DHRS9: variants seen among roughly 807,000 people sequenced by gnomAD.
The protein encoded by DHRS9 is dehydrogenase/reductase SDR family member 9.
DHRS9 carries 18 observed loss-of-function variants against 26.6 expected under a neutral mutation model. The ratio of observed to expected loss-of-function variants is 0.68; its 90% CI spans 0.47 to 1.00. The LOEUF is 1.00. Among genes scored for constraint, DHRS9 ranks in the 50% least tolerant of loss-of-function variants. DHRS9 has a pLI of 0.00. For missense variants in DHRS9, 425 were observed against 378.7 expected, an observed-to-expected ratio of 1.12 and a Z score of -1.01; for synonymous variants, 134 against 141.1, an observed-to-expected ratio of 0.95 and a Z score of 0.36.
chr2:169,080,360 C>T (rs894350719), intron 1 of DHRS9, among the ~76,000 whole-genome samples: 4 of 152,248 alleles, frequency 2.6e-5, no homozygotes, highest in African/African-American at 9.6e-5. Flanking sequence ...CCAACACAGA[C>T]CTGCTCCTCT....
In DHRS9 at chr2:169,083,579, C is replaced by T; in HGVS notation, c.564C>T (p.Asp188=). ...AATATGCAGTGGAAGGTTTCAATGA[C>T]AGCTTAAGGTAAATCAAATTAATCA... ...PSKYAVEGFN[D]SLRRDMKAFG... Residue 188 remains aspartate (D), a synonymous_variant, in exon 3 of 5, where the codon GAC becomes GAT. Transcript: ENST00000674881. The T allele has an allele frequency of 1.2e-6, 2 of 1,613,898 alleles. No homozygotes were observed. Among genetic ancestry groups the T allele is most frequent in the Non-Finnish European group, 1.7e-6 (2 of 1,179,888 alleles).
chr2:169,089,124 G>T (rs1463343702), intron 3 of DHRS9, among the ~76,000 whole-genome samples: 1 of 152,160 alleles, frequency 6.6e-6, no homozygotes, highest in Non-Finnish European at 1.5e-5. Context: ...TATGCTTAAA[G>T]GACTTATAAA....
intron 1 of DHRS9, chr2:169,074,392 T>C (rs953003566): frequency 4.1e-6 from 4 of 985,258 alleles, no homozygotes; most frequent in Non-Finnish European, 4.8e-6. Context: ...GCCAAGAGAT[T>C]TACGCCCTAT....
chr2:169,090,140 C>T (rs1246989811), intron 3 of DHRS9, among the ~76,000 whole-genome samples: 4 of 152,154 alleles, frequency 2.6e-5, no homozygotes, highest in Non-Finnish European at 4.4e-5. Flanking sequence ...TATGTAGGTG[C>T]GCCACAATCC....
chr2:169,083,599 T>C lies in DHRS9; in HGVS notation c.572+12T>C. ...AATGACAGCTTAAGGTAAATCAAAT[T>C]AATCAACTTATTAGGAAACAATAGC... On this transcript the variant is annotated intron_variant, in intron 3 of 4. Transcript: ENST00000674881. 1 of 1,611,654 alleles carries C rather than the reference T, an allele frequency of 6.2e-7. No individual in the cohort carries two copies.
At chr2:169,067,384 G>A (rs1357672041), upstream of DHRS9, 1 of 1,416,496 alleles carries the variant, frequency 7.1e-7, no homozygotes, top group African/African-American at 1.4e-5. Flanking sequence ...CCTCAGATCT[G>A]AGTTTCCTCC....
At chr2:169,070,938 C>G (rs1683783277) in intron 1 of DHRS9, 1 of 169,866 alleles carries the variant, frequency 5.9e-6, no homozygotes, top group Admixed American at 6.5e-5. Flanking sequence ...GCAGCGTGCG[C>G]CTGTAGTCCC....
At chr2:169,095,026 C>T (rs926712104) in intron 4 of DHRS9, among the ~76,000 whole-genome samples, 1 of 152,192 alleles carries the variant, frequency 6.6e-6, no homozygotes, top group African/African-American at 2.4e-5. Flanking sequence ...TCCACACATG[C>T]ATGCACATAC....
intron 1 of DHRS9, chr2:169,070,150 C>T (rs947933601): frequency 9.0e-5 from 89 of 985,212 alleles, no homozygotes; most frequent in African/African-American, 3.8e-4. Context: ...TTTGTCTGTC[C>T]GCTTTATCAA....
At chr2:169,092,621 A>T (rs536357258) in intron 4 of DHRS9, among the ~76,000 whole-genome samples, 1 of 152,164 alleles carries the variant, frequency 6.6e-6, no homozygotes, top group East Asian at 1.9e-4. Flanking sequence ...CTAATGGGGC[A>T]GGTCAGGTTT....
upstream of DHRS9, among the ~76,000 whole-genome samples, chr2:169,067,698 C>T (rs1683684775): frequency 6.6e-6 from 1 of 151,982 alleles, no homozygotes; most frequent in African/African-American, 2.4e-5. Context: ...GTAGCACTTT[C>T]AAAGGTTGTA....
chr2:169,095,812 A>G lies in DHRS9; in HGVS notation c.*45A>G. 1 of 1,552,286 alleles carries G rather than the reference A, an allele frequency of 6.4e-7. No homozygotes were observed. ...CTCCTCCAGGCTATGAAATTGGCCG[A>G]TTTCAAGAACACATCTCCTTTTCAA... On this transcript the variant is annotated 3_prime_UTR_variant, in exon 5 of 5. Transcript: ENST00000674881.
At chr2:169,085,273 C>T (rs965290916) in intron 3 of DHRS9, among the ~76,000 whole-genome samples, 2 of 152,020 alleles carry the variant, frequency 1.3e-5, no homozygotes, top group African/African-American at 2.4e-5. Flanking sequence ...AATGTGATTC[C>T]TCCAGTTTTG....
chr2:169,075,426 T>C (rs1683935796), intron 1 of DHRS9, among the ~76,000 whole-genome samples: 2 of 152,202 alleles, frequency 1.3e-5, no homozygotes, highest in South Asian at 4.1e-4. Flanking sequence ...GAAGACATGA[T>C]GCTCCTTACT....
At chr2:169,072,261 G>C (rs1458120721) in intron 1 of DHRS9, among the ~76,000 whole-genome samples, 4 of 152,094 alleles carry the variant, frequency 2.6e-5, no homozygotes, top group Non-Finnish European at 5.9e-5. Context: ...CATAGTTGTT[G>C]ATTCAACTTG....
chr2:169,083,747 G>A (rs1684267681), intron 3 of DHRS9, among the ~76,000 whole-genome samples, 160 bp downstream of exon 3: 1 of 152,044 alleles, frequency 6.6e-6, no homozygotes, highest in Non-Finnish European at 1.5e-5. Context: ...GGTTATATGA[G>A]ATATTTTGAT....
chr2:169,079,023 A>C (rs1204440887), intron 1 of DHRS9, among the ~76,000 whole-genome samples: 1 of 151,342 alleles, frequency 6.6e-6, no homozygotes, highest in South Asian at 2.1e-4. Context: ...AATTTTTTGT[A>C]TTTTTAGTAG....
chr2:169,082,905 T>C (rs577355773), intron 2 of DHRS9, among the ~76,000 whole-genome samples: 34 of 137,644 alleles, frequency 2.5e-4, no homozygotes, highest in African/African-American at 8.3e-4. Context: ...GGGGGAGGGA[T>C]AGCATTAGGA....
upstream of DHRS9, chr2:169,067,350 C>T (rs1239112519): frequency 6.7e-7 from 1 of 1,498,830 alleles, no homozygotes; most frequent in African/African-American, 1.4e-5. Flanking sequence ...TTGCAGGAAG[C>T]CTAACGTATG....
Sources: gnomAD v4.1 joint callset for allele counts (sites outside exome capture counted in the v4.1 genomes callset) on GRCh38, gnomAD v4.1.1 for gene constraint, MANE v1.5 for transcripts, NCBI Gene and HGNC (gene_info 2026-07-23, HGNC 2026-07-21) for gene names.